VPS13A: variants seen among roughly 807,000 people sequenced by gnomAD.
VPS13A encodes the protein intermembrane lipid transfer protein VPS13A.
VPS13A carries 264 observed loss-of-function variants against 390.9 expected under a neutral mutation model. That is an observed-to-expected ratio of 0.68 (90% CI 0.61 to 0.75). The LOEUF (loss-of-function observed/expected upper bound fraction) is 0.75. Ranked by LOEUF, VPS13A falls within the 30% of genes least tolerant of loss-of-function variation. The pLI is 0.00. For missense variants in VPS13A, 3,409 were observed against 3,733.9 expected, an observed-to-expected ratio of 0.91 and a Z score of 2.27; for synonymous variants, 1,231 against 1,227.1, an observed-to-expected ratio of 1.00 and a Z score of -0.07.
chr9:77,241,999 T>C (rs1291087354), intron 19 of VPS13A, among the ~76,000 whole-genome samples: 1 of 152,156 alleles, frequency 6.6e-6, no homozygotes, highest in African/African-American at 2.4e-5. Flanking sequence ...TGCAAGACTC[T>C]CCATCTTTGT....
chr9:77,303,603 TTGA>T (rs1828511924), intron 34 of VPS13A, among the ~76,000 whole-genome samples: 1 of 152,122 alleles, frequency 6.6e-6, no homozygotes, highest in African/African-American at 2.4e-5. Flanking sequence ...TCAGTTTTTA[TTGA>T]TTATTATTTT....
chr9:77,377,777 A>C (rs1290946211), intron 67 of VPS13A, among the ~76,000 whole-genome samples: 1 of 152,190 alleles, frequency 6.6e-6, no homozygotes, highest in African/African-American at 2.4e-5. Context: ...TGCTGAGAGA[A>C]TAGACATGCC....
chr9:77,354,912 T>G lies in VPS13A; in HGVS notation c.7652+1271T>G, dbSNP rs540015875. ...TATGTGCTCCTGTTTAAACAGATTT[T>G]TCTCTACTTTTGCACTGTACTTCAT... On this transcript the variant is annotated intron_variant, in intron 54 of 71. Transcript: ENST00000360280. Among the ~76,000 whole-genome samples the G allele has an allele frequency of 2.1e-4, 32 of 152,262 alleles. No individual in the cohort carries two copies. In the South Asian group the frequency reaches 6.6e-3, roughly 32 times the overall value.
At chr9:77,343,028 G>A (rs527420669) in intron 50 of VPS13A, among the ~76,000 whole-genome samples, 6 of 152,178 alleles carry the variant, frequency 3.9e-5, no homozygotes, top group Non-Finnish European at 8.8e-5. Context: ...TTCACTTTTT[G>A]TGAAGTGACT....
intron 35 of VPS13A, among the ~76,000 whole-genome samples, chr9:77,310,979 G>A (rs766627238): frequency 2.2e-4 from 33 of 151,634 alleles, no homozygotes; most frequent in Non-Finnish European, 4.1e-4. Flanking sequence ...AGGCTGGAGT[G>A]TAGTGGTGCA....
At chr9:77,375,706 A>G (rs927403747) in intron 67 of VPS13A, among the ~76,000 whole-genome samples, 8 of 152,350 alleles carry the variant, frequency 5.3e-5, no homozygotes, top group Non-Finnish European at 1.0e-4. Context: ...TTGATAGATC[A>G]GGAAGACAAA....
chr9:77,344,759 A>G (rs952919444), intron 51 of VPS13A, among the ~76,000 whole-genome samples: 2 of 151,626 alleles, frequency 1.3e-5, no homozygotes, highest in East Asian at 1.9e-4. Flanking sequence ...ACTCCGTCTC[A>G]AGAAAAAAAA....
chr9:77,378,797 CCTT>C (rs1275531048), intron 67 of VPS13A, among the ~76,000 whole-genome samples: 7 of 151,622 alleles, frequency 4.6e-5, no homozygotes, highest in Admixed American at 2.0e-4. Flanking sequence ...TGATTTCAGA[CCTT>C]CTTTTTTAAT....
chr9:77,333,779 C>T (rs966500209), intron 46 of VPS13A, among the ~76,000 whole-genome samples: 19 of 151,848 alleles, frequency 1.3e-4, no homozygotes, highest in African/African-American at 4.6e-4. Context: ...AATATAGATG[C>T]AGATAAACAC....
At chr9:77,201,272 C>G in intron 2 of VPS13A, 93 bp from the exon 3 acceptor site, 1 of 852,120 alleles carries the variant, frequency 1.2e-6, no homozygotes, top group Non-Finnish European at 1.9e-6. Context: ...TAAAAAATCC[C>G]TTGAAATAAT....
chr9:77,386,597 A>G (rs1366204049), intron 68 of VPS13A, among the ~76,000 whole-genome samples: 3 of 152,138 alleles, frequency 2.0e-5, no homozygotes, highest in African/African-American at 7.2e-5. Context: ...TTCAGTAAAA[A>G]TATTTTAAAT....
Position 77,355,805 on chromosome 9 carries a change from G to A in VPS13A, c.7653-909G>A, listed in dbSNP as rs139198745. Among the ~76,000 whole-genome samples, 1,179 of 152,182 alleles carry A rather than the reference G, an allele frequency of 7.7e-3. 7 individuals carry two copies. The highest frequency in any genetic ancestry group is 0.061 in the Middle Eastern group (18 of 294). On this transcript the variant is annotated intron_variant, in intron 54 of 71. Transcript: ENST00000360280. ...TAATTCATCAAGAAGATCTGTGCTG[G>A]TTCTACCTTCAAAGTGCACATAGAT...
In VPS13A at chr9:77,418,991, C is replaced by G. The variant is rs543309484; in HGVS notation, c.*2985C>G. 9 of 152,232 alleles carry G rather than the reference C, an allele frequency of 5.9e-5. No individual in the cohort carries two copies. Among genetic ancestry groups the G allele is most frequent in the African/African-American group, 1.9e-4 (8 of 41,532 alleles). 9.4% of individuals were successfully genotyped at this position (152,232 alleles called of 1,614,324 possible). A position where few individuals can be genotyped will look rare whatever the true frequency, so the allele number is the denominator to read the frequency against. On this transcript the variant is annotated 3_prime_UTR_variant, in exon 72 of 72. Transcript: ENST00000360280. ...TTGATCCTTCAGGCTATGCCAAGTG[C>G]CCCCTCATGTAGGCCTCTGTATTAA...
chr9:77,179,185 G>A (rs997660981), intron 1 of VPS13A, among the ~76,000 whole-genome samples: 3 of 152,190 alleles, frequency 2.0e-5, no homozygotes, highest in Admixed American at 6.5e-5. Context: ...TCCACATTCA[G>A]GGTGGAGGTT....
At position 77,384,582 on chromosome 9, in the gene VPS13A, C is replaced by T. The variant is rs760984032; in HGVS notation, c.9189+2495C>T. ...CTTCTTTTTTCCTTTGCCATGCTTA[C>T]AGAAAATTCAATTCTACAGGGAGTG... is the stretch of plus-strand genomic sequence containing the variant. On this transcript the variant is annotated intron_variant, in intron 68 of 71. Coordinates refer to ENST00000360280, the MANE Select transcript of VPS13A (RefSeq NM_033305.3). 35 of 1,611,350 alleles carry T rather than the reference C, an allele frequency of 2.2e-5. No individual in the cohort carries two copies. In the Middle Eastern group the frequency reaches 6.6e-4, roughly 30 times the overall value.
chr9:77,251,614 T>C (rs904843135), intron 21 of VPS13A, among the ~76,000 whole-genome samples: 4 of 152,190 alleles, frequency 2.6e-5, no homozygotes, highest in Admixed American at 6.5e-5. Flanking sequence ...TATATCCAGG[T>C]ATTTTTTCTT....
chr9:77,338,040 A>C lies in VPS13A; in HGVS notation c.6378+503A>C, dbSNP rs554323479. 3 of 153,962 alleles carry C rather than the reference A, an allele frequency of 1.9e-5. 1 individual carries two copies. In the East Asian group the frequency reaches 5.7e-4, roughly 29 times the overall value. The allele number at this position is 153,962 out of a possible 1,614,324, so 9.5% of individuals were successfully genotyped here. The stretch of plus-strand genomic sequence containing the variant: ...GCTCAGACTGGAGTGCAATGATGCG[A>C]TCATAGCTCACTGTAGTCTCAAACT... On this transcript the variant is annotated intron_variant, in intron 47 of 71. Coordinates refer to ENST00000360280, the MANE Select transcript of VPS13A (RefSeq NM_033305.3).
chr9:77,222,164 T>G (rs905557276), intron 13 of VPS13A, among the ~76,000 whole-genome samples: 3 of 152,086 alleles, frequency 2.0e-5, no homozygotes, highest in African/African-American at 7.2e-5. Context: ...TACTTTTATT[T>G]TCAATGTGGG....
chr9:77,205,129 A>C (rs1825560551), intron 3 of VPS13A, among the ~76,000 whole-genome samples, 184 bp from the exon 4 acceptor site: 1 of 152,198 alleles, frequency 6.6e-6, no homozygotes, highest in African/African-American at 2.4e-5. Context: ...CAATAATTTC[A>C]AATCATTACA....
Sources: allele counts gnomAD v4.1 joint callset (sites outside exome capture counted in the v4.1 genomes callset), GRCh38; gene constraint gnomAD v4.1.1; transcripts MANE v1.5; gene names NCBI Gene and HGNC (gene_info 2026-07-23, HGNC 2026-07-21).